Variants in MTR observed in about 807,000 individuals in gnomAD.
MTR encodes the protein methionine synthase.
In MTR, 84 loss-of-function variants were observed where a neutral mutation model predicts 154.8. That is an observed-to-expected ratio of 0.54 (90% CI 0.45 to 0.65). The LOEUF is 0.65. Among genes scored for constraint, MTR ranks in the 30% least tolerant of loss-of-function variants. The pLI, the probability that MTR is intolerant of heterozygous loss-of-function variation, is 0.00. For synonymous variants in MTR, 554 were observed against 553.9 expected, an observed-to-expected ratio of 1.00 and a Z score of 0.00; for missense variants, 1,275 against 1,570.2, an observed-to-expected ratio of 0.81 and a Z score of 3.18.
At position 236,808,784 on chromosome 1, in the gene MTR, T is replaced by C; in HGVS notation, c.409+11T>C. The stretch of plus-strand genomic sequence containing the variant: ...TAACTCTCCAGACAGGTAGGGAATG[T>C]TCTTCTCTTTTTTTGCACACGTGGT... On this transcript the variant is annotated intron_variant, in intron 4 of 32. Transcript: ENST00000366577. The C allele has an allele frequency of 6.2e-7, 1 of 1,613,348 alleles. No individual in the cohort carries two copies. The highest frequency in any genetic ancestry group is 8.5e-7 in the Non-Finnish European group (1 of 1,179,308).
At chr1:236,863,167 C>T (rs937114943) in intron 21 of MTR, among the ~76,000 whole-genome samples, 1 of 152,206 alleles carries the variant, frequency 6.6e-6, no homozygotes, top group South Asian at 2.1e-4. Context: ...TAAGTTCCCC[C>T]GCACCCAGAG....
intron 12 of MTR, among the ~76,000 whole-genome samples, chr1:236,830,737 C>T (rs1321863311): frequency 6.6e-6 from 1 of 152,116 alleles, no homozygotes; most frequent in Non-Finnish European, 1.5e-5. Context: ...TAGGATCGGG[C>T]GTACCCTGCG....
At chr1:236,890,360 A>C (rs1237294500) in intron 28 of MTR, among the ~76,000 whole-genome samples, 1 of 152,172 alleles carries the variant, frequency 6.6e-6, no homozygotes, top group African/African-American at 2.4e-5. Context: ...GCTGGCTCCC[A>C]CTGCAGGTCC....
intron 15 of MTR, among the ~76,000 whole-genome samples, chr1:236,844,771 T>G (rs960364094): frequency 6.6e-6 from 1 of 152,150 alleles, no homozygotes; most frequent in Non-Finnish European, 1.5e-5. Flanking sequence ...TGCTTCTGTT[T>G]TCTCAGTGAA....
At chr1:236,881,737 C>T (rs542323226) in intron 25 of MTR, among the ~76,000 whole-genome samples, 30 of 152,064 alleles carry the variant, frequency 2.0e-4, no homozygotes, top group African/African-American at 5.3e-4. Flanking sequence ...TTCAGATCTG[C>T]GAATTTATTT....
At chr1:236,817,952 A>G (rs1428844328) in intron 8 of MTR, among the ~76,000 whole-genome samples, 2 of 152,098 alleles carry the variant, frequency 1.3e-5, no homozygotes, top group African/African-American at 4.8e-5. Context: ...AATTCTTGGC[A>G]CATAGTAGGG....
intron 21 of MTR, among the ~76,000 whole-genome samples, chr1:236,863,199 G>A (rs1243977885): frequency 6.6e-6 from 1 of 152,236 alleles, no homozygotes; most frequent in African/African-American, 2.4e-5. Flanking sequence ...GTCTTCAGCT[G>A]TGGTGCTGTT....
chr1:236,810,716 C>A, intron 5 of MTR, 121 bp downstream of exon 5: 3 of 830,690 alleles, frequency 3.6e-6, no homozygotes, highest in Non-Finnish European at 6.1e-6. Flanking sequence ...GTGATTTAAT[C>A]CATGTAAAAC....
In MTR at chr1:236,889,220, A is replaced by G. The variant is rs1416094227; in HGVS notation, c.2891A>G (p.Tyr964Cys). ...ATTGGGACCCAGGTCTTTGAAGACT[A>G]TGACCTGCAGAAGCTGGTGGACTAC... ...TFIGTQVFED[Y>C]DLQKLVDYID... The change falls in exon 28 of 33, where the codon TAT becomes TGT. Residue 964 changes from tyrosine (Y) to cysteine (C), a missense_variant. Physicochemically the swap from Tyr to Cys is radical, Grantham distance 194 (BLOSUM62 -2). Coordinates refer to ENST00000366577, the MANE Select transcript of MTR (RefSeq NM_000254.3). 8.7e-6 allele frequency: 14 copies of G among 1,614,102 alleles called. No homozygotes were observed. Among genetic ancestry groups the G allele is most frequent in the South Asian group, 3.3e-5 (3 of 91,086 alleles).
intron 24 of MTR, among the ~76,000 whole-genome samples, chr1:236,877,996 CT>C (rs1350471492): frequency 6.6e-6 from 1 of 152,086 alleles, no homozygotes; most frequent in Non-Finnish European, 1.5e-5. Context: ...TTTGGATATG[CT>C]TTTTAAATAT....
At chr1:236,800,927 G>C (rs1237274717) in intron 1 of MTR, among the ~76,000 whole-genome samples, 2 of 152,166 alleles carry the variant, frequency 1.3e-5, no homozygotes, top group Non-Finnish European at 2.9e-5. Context: ...AAATCCCATA[G>C]CTACTAAGGG....
intron 24 of MTR, among the ~76,000 whole-genome samples, chr1:236,875,118 C>T (rs539457063): frequency 1.3e-3 from 203 of 152,168 alleles, no homozygotes; most frequent in Non-Finnish European, 2.4e-3. Context: ...CTCTCACTTG[C>T]GATTCAGTTC....
chr1:236,870,013 C>A (rs1665036792), intron 22 of MTR, among the ~76,000 whole-genome samples: 1 of 152,182 alleles, frequency 6.6e-6, no homozygotes, highest in African/African-American at 2.4e-5. Flanking sequence ...TATTCTAATT[C>A]AGAGCTTGCC....
rs200305844 is a variant in MTR, at chr1:236,815,683, C to T, written c.669+20C>T. 2.5e-3 allele frequency: 3,775 copies of T among 1,538,532 alleles called. 17 individuals carry two copies. Among genetic ancestry groups the T allele is most frequent in the Middle Eastern group, 0.015 (89 of 5,930 alleles). The stretch of plus-strand genomic sequence containing the variant: ...ATCTTTGTAAGTTCTAAAGTGTTTG[C>T]ACAATACATTCTTTTATTAATAATT... On this transcript the variant is annotated intron_variant, in intron 7 of 32. Transcript: ENST00000366577.
At chr1:236,810,016 A>G (rs929541710) in intron 4 of MTR, among the ~76,000 whole-genome samples, 4 of 152,246 alleles carry the variant, frequency 2.6e-5, no homozygotes, top group Non-Finnish European at 5.9e-5. Flanking sequence ...TGCTACTGTA[A>G]GGTGATTTTG....
At position 236,825,318 on chromosome 1, in the gene MTR, G is replaced by T; in HGVS notation, c.866-20G>T. 6.2e-7 allele frequency: 1 copy of T among 1,601,446 alleles called. No individual in the cohort carries two copies. The highest frequency in any genetic ancestry group is 8.6e-7 in the Non-Finnish European group (1 of 1,168,710). Reference sequence around the variant, plus strand: ...ATTTTTAAGGCAATTTGCAATAATGGTTGAATTATCCTTTCTCAGGTCTTC... The same window carrying T: ...ATTTTTAAGGCAATTTGCAATAATGTTTGAATTATCCTTTCTCAGGTCTTC... On this transcript the variant is annotated intron_variant, in intron 9 of 32. Transcript: ENST00000366577.
intron 8 of MTR, among the ~76,000 whole-genome samples, chr1:236,823,299 A>T (rs562790270): frequency 3.9e-5 from 6 of 152,340 alleles, no homozygotes; most frequent in African/African-American, 7.2e-5. Context: ...ACAGTTTAGC[A>T]TCCTTAATCT....
chr1:236,889,070 C>G, intron 27 of MTR, 111 bp from the exon 28 acceptor site: 2 of 1,312,662 alleles, frequency 1.5e-6, no homozygotes, highest in Non-Finnish European at 2.2e-6. Context: ...CTACGGGTGA[C>G]AGGAGGGAGG....
At chr1:236,848,411 C>G (rs1663712050) in intron 15 of MTR, among the ~76,000 whole-genome samples, 2 of 152,158 alleles carry the variant, frequency 1.3e-5, no homozygotes, top group Non-Finnish European at 2.9e-5. Context: ...TGTGCCTTCT[C>G]TCTTAGTGAG....
Sources: gnomAD v4.1 joint callset for allele counts (sites outside exome capture counted in the v4.1 genomes callset) on GRCh38, gnomAD v4.1.1 for gene constraint, MANE v1.5 for transcripts, NCBI Gene and HGNC (gene_info 2026-07-23, HGNC 2026-07-21) for gene names.